Variants in CUBN observed in about 807,000 individuals in gnomAD.
The protein encoded by CUBN is 460 kDa receptor.
CUBN carries 282 observed loss-of-function variants against 405.3 expected under a neutral mutation model. That is an observed-to-expected ratio of 0.70 (90% CI 0.63 to 0.77). CUBN has a LOEUF of 0.77. Ranked by LOEUF, CUBN falls within the 30% of genes least tolerant of loss-of-function variation. The pLI, the probability that CUBN is intolerant of heterozygous loss-of-function variation, is 0.00. For missense variants in CUBN, 4,514 were observed against 4,475.2 expected (o/e 1.01, Z -0.25); for synonymous variants, 1,684 against 1,617.0 (o/e 1.04, Z -0.99).
At chr10:16,903,460 T>A (rs1206517498) in intron 51 of CUBN, among the ~76,000 whole-genome samples, 3 of 151,900 alleles carry the variant, frequency 2.0e-5, no homozygotes, top group African/African-American at 7.3e-5. Flanking sequence ...GTATTATGAC[T>A]GAAAGCATAA....
chr10:16,974,791 A>G (rs759644957), intron 31 of CUBN, among the ~76,000 whole-genome samples: 83 of 152,034 alleles, frequency 5.5e-4, no homozygotes, highest in South Asian at 1.3e-3. Flanking sequence ...TTCCTCCCCA[A>G]CCCACTCAAT....
chr10:17,035,767 T>C (rs1367340582), intron 27 of CUBN, among the ~76,000 whole-genome samples: 1 of 151,772 alleles, frequency 6.6e-6, no homozygotes. Flanking sequence ...TTCTCACTTA[T>C]ATGTGGGAGC....
intron 31 of CUBN, among the ~76,000 whole-genome samples, chr10:16,958,946 C>G (rs1321381827): frequency 1.3e-5 from 2 of 152,160 alleles, no homozygotes; most frequent in Admixed American, 6.5e-5. Context: ...AGCCGGGTCT[C>G]TCTGCTTCAA....
chr10:17,073,326 G>C (rs1450905988), intron 17 of CUBN, among the ~76,000 whole-genome samples: 1 of 151,436 alleles, frequency 6.6e-6, no homozygotes, highest in South Asian at 2.1e-4. Context: ...CATCAGATAA[G>C]ATAAGCCATA....
intron 55 of CUBN, 117 bp downstream of exon 55, chr10:16,890,254 T>A (rs1307136449): frequency 4.4e-6 from 4 of 919,360 alleles, no homozygotes; most frequent in Non-Finnish European, 7.1e-6. Flanking sequence ...AGGTGACTCA[T>A]CCTCCCCGTA....
At chr10:17,007,641 G>C (rs1341393854) in intron 28 of CUBN, among the ~76,000 whole-genome samples, 2 of 152,164 alleles carry the variant, frequency 1.3e-5, no homozygotes, top group South Asian at 4.2e-4. Context: ...GTGGGGCAGG[G>C]GGAAGGGATT....
intron 2 of CUBN, 37 bp downstream of exon 2, chr10:17,129,084 T>G (rs767350679): frequency 3.9e-6 from 6 of 1,544,430 alleles, no homozygotes; most frequent in Non-Finnish European, 5.4e-6. Flanking sequence ...CGTATATGGA[T>G]ATACAAAATG....
Position 16,990,492 on chromosome 10 carries a change from C to T in CUBN, c.4192G>A (p.Ala1398Thr). 1 of 1,614,108 alleles carries T rather than the reference C, an allele frequency of 6.2e-7. No individual in the cohort carries two copies. Among genetic ancestry groups the T allele is most frequent in the South Asian group, 1.1e-5 (1 of 91,078 alleles). ...VYGCGGELSG[A>T]TGSFSSPGFP... ...CCGGGGCTGCTGAAGGAGCCTGTGGCCCCAGACAGCTCTCCACCACAACCT... is the reference window on the plus strand; with the variant it reads ...CCGGGGCTGCTGAAGGAGCCTGTGGTCCCAGACAGCTCTCCACCACAACCT... Residue 1398 changes from alanine (A) to threonine (T), a missense_variant, in exon 29 of 67, where the codon GCC (alanine) becomes ACC (threonine). Around this residue, in one of 5 missense-constraint regions of CUBN, gnomAD observed 1,613 missense variants for 1,542.8 expected, o/e 1.05. Coordinates refer to ENST00000377833, the MANE Select transcript of CUBN (RefSeq NM_001081.4).
chr10:16,877,194 A>AT (rs1423579640), intron 56 of CUBN, 97 bp from the exon 57 acceptor site: 1 of 1,004,416 alleles, frequency 1.0e-6, no homozygotes, highest in Admixed American at 2.0e-5. Context: ...GACTCATGCA[A>AT]TTGCTATAAA....
At chr10:16,989,910 A>G (rs924992311) in intron 29 of CUBN, among the ~76,000 whole-genome samples, 3 of 152,178 alleles carry the variant, frequency 2.0e-5, no homozygotes, top group Non-Finnish European at 4.4e-5. Context: ...GCTTTCTCAG[A>G]CTGCAAGTGT....
At chr10:17,102,052 C>G (rs1836504422) in intron 13 of CUBN, among the ~76,000 whole-genome samples, 2 of 152,096 alleles carry the variant, frequency 1.3e-5, no homozygotes, top group African/African-American at 4.8e-5. Flanking sequence ...TCAGTAACAA[C>G]ATGATTTTAC....
intron 14 of CUBN, among the ~76,000 whole-genome samples, chr10:17,092,882 G>A (rs1263170953): frequency 3.9e-5 from 6 of 152,150 alleles, no homozygotes; most frequent in Non-Finnish European, 7.4e-5. Flanking sequence ...TTTCTTTACT[G>A]TCTTAATAAA....
At chr10:16,977,225 C>A (rs1833125620) in intron 31 of CUBN, among the ~76,000 whole-genome samples, 2 of 152,278 alleles carry the variant, frequency 1.3e-5, no homozygotes, top group South Asian at 4.1e-4. Context: ...AGCCTGGAAA[C>A]CCATGGCCCT....
chr10:17,055,668 T>C (rs927225138), intron 22 of CUBN, among the ~76,000 whole-genome samples: 2 of 152,102 alleles, frequency 1.3e-5, no homozygotes, highest in African/African-American at 4.8e-5. Flanking sequence ...TAATATGGCA[T>C]GTCATTTTAT....
At chr10:16,878,305 ATAT>A (rs1840572335) in intron 56 of CUBN, among the ~76,000 whole-genome samples, 1 of 152,164 alleles carries the variant, frequency 6.6e-6, no homozygotes, top group Non-Finnish European at 1.5e-5. Context: ...ATAAAACATT[ATAT>A]TATTATGAAA....
rs985708107 is a variant in CUBN, at chr10:16,948,517, C to G, written c.5170G>C (p.Ala1724Pro). The G allele has an allele frequency of 6.2e-7, 1 of 1,613,944 alleles. No individual in the cohort carries two copies. The highest frequency in any genetic ancestry group is 1.3e-5 in the African/African-American group (1 of 74,924). Residue 1724 changes from alanine to proline, a missense_variant, in exon 35 of 67, where the codon GCT becomes CCT. Ala to Pro is a conservative substitution (Grantham distance 27). This residue lies in a region of CUBN where 1,613 missense variants were observed against 1,542.8 expected (regional missense o/e 1.05). Transcript: ENST00000377833. ...GTGACCGTGGTGTGGAAACCCCCAG[C>G]ACTGATGCTAGAATCAGAGACGAAT... The part of the protein sequence containing the change: ...LRFVSDSSIS[A>P]GGFHTTVTAS...
At chr10:16,971,058 A>G (rs898133825) in intron 31 of CUBN, among the ~76,000 whole-genome samples, 3 of 152,236 alleles carry the variant, frequency 2.0e-5, no homozygotes, top group African/African-American at 7.2e-5. Context: ...GTCCCATTCC[A>G]GCATAATTTT....
chr10:17,111,796 C>T (rs1405747351), intron 8 of CUBN, among the ~76,000 whole-genome samples: 2 of 152,098 alleles, frequency 1.3e-5, no homozygotes, highest in African/African-American at 2.4e-5. Flanking sequence ...TGGTGGTTCA[C>T]GCCTGTAGTC....
chr10:16,971,498 A>G (rs1406925378), intron 31 of CUBN, among the ~76,000 whole-genome samples: 1 of 152,234 alleles, frequency 6.6e-6, no homozygotes, highest in Non-Finnish European at 1.5e-5. Context: ...TTACCTGGAC[A>G]GTCTTGTTTT....
Sources: allele counts gnomAD v4.1 joint callset (sites outside exome capture counted in the v4.1 genomes callset), GRCh38; gene constraint gnomAD v4.1.1; regional missense constraint gnomAD v4.1.1; transcripts MANE v1.5; gene names NCBI Gene and HGNC (gene_info 2026-07-23, HGNC 2026-07-21).